The following SLC25A33 variants were observed in gnomAD, a reference collection of about 807,000 sequenced individuals.
SLC25A33 encodes the protein solute carrier family 25 member 33.
Under a neutral mutation model 35.5 loss-of-function variants are expected in SLC25A33, and 15 were observed. The observed-to-expected ratio is 0.42, with a 90% CI of 0.28 to 0.65. SLC25A33 has a LOEUF of 0.65. Among genes scored for constraint, SLC25A33 ranks in the 30% least tolerant of loss-of-function variants. SLC25A33 has a pLI of 0.20. For missense variants in SLC25A33, 257 were observed against 398.5 expected, an observed-to-expected ratio of 0.64 and a Z score of 3.02; for synonymous variants, 136 against 148.7, an observed-to-expected ratio of 0.91 and a Z score of 0.62.
At chr1:9,556,852 A>G (rs1299639793) in intron 2 of SLC25A33, among the ~76,000 whole-genome samples, 5 of 152,212 alleles carry the variant, frequency 3.3e-5, no homozygotes, top group Non-Finnish European at 7.3e-5. Flanking sequence ...TATTTTCATT[A>G]CAGTCCCACC....
At chr1:9,561,236 C>T (rs780960940) in intron 2 of SLC25A33, among the ~76,000 whole-genome samples, 15 of 152,228 alleles carry the variant, frequency 9.9e-5, no homozygotes, top group East Asian at 1.9e-4. Context: ...AGCCACCGCG[C>T]GCAGCCCTCT....
chr1:9,570,557 CTCTT>C (rs1363553084), intron 4 of SLC25A33, among the ~76,000 whole-genome samples, 199 bp downstream of exon 4: 7 of 152,086 alleles, frequency 4.6e-5, no homozygotes, highest in Admixed American at 4.6e-4. Context: ...ACCACTAAAG[CTCTT>C]TATTTGCCCT....
chr1:9,556,219 G>C (rs1643340291), intron 2 of SLC25A33: 2 of 985,206 alleles, frequency 2.0e-6, no homozygotes, highest in African/African-American at 1.7e-5. Context: ...TTCTTCTAAG[G>C]AACATGCAGT....
At chr1:9,553,246 A>C (rs1181499283) in intron 1 of SLC25A33, among the ~76,000 whole-genome samples, 1 of 30,044 alleles carries the variant, frequency 3.3e-5, no homozygotes, top group African/African-American at 1.1e-4. Context: ...TTTTTGTTTG[A>C]GACGGAGTCT....
intron 6 of SLC25A33, among the ~76,000 whole-genome samples, chr1:9,580,521 A>C (rs1643727255): frequency 6.6e-6 from 1 of 152,206 alleles, no homozygotes; most frequent in Non-Finnish European, 1.5e-5. Flanking sequence ...TCTGGATTGT[A>C]TTTAATATTC....
rs1453878304 is a variant in SLC25A33, at chr1:9,550,023, T to A, written c.57-3603T>A. On this transcript the variant is annotated intron_variant, in intron 1 of 6. Coordinates refer to ENST00000302692, the MANE Select transcript of SLC25A33 (RefSeq NM_032315.3). ...TATATATATATATATTTTTTTTTTT[T>A]TTTTTTTTTTTTTTTGAGACGGGGT... Among the ~76,000 whole-genome samples, 987 of 105,438 alleles carry A rather than the reference T, an allele frequency of 9.4e-3. 33 individuals are homozygous for A. Among genetic ancestry groups the A allele is most frequent in the African/African-American group, 0.037 (850 of 22,782 alleles). 69.2% of individuals were successfully genotyped at this position (105,438 alleles called of 152,430 possible). A position where few individuals can be genotyped will look rare whatever the true frequency, so the allele number is the denominator to read the frequency against.
At chr1:9,557,445 G>A (rs1162898242) in intron 2 of SLC25A33, among the ~76,000 whole-genome samples, 3 of 152,068 alleles carry the variant, frequency 2.0e-5, no homozygotes, top group Non-Finnish European at 2.9e-5. Context: ...TGTATTCCTA[G>A]CACTTTGAAG....
intron 2 of SLC25A33, among the ~76,000 whole-genome samples, chr1:9,563,968 A>G (rs1020548285): frequency 6.6e-6 from 1 of 152,128 alleles, no homozygotes; most frequent in African/African-American, 2.4e-5. Flanking sequence ...CATTCTATTA[A>G]CTTTTGACTA....
At chr1:9,573,509 T>G (rs1643618729) in intron 5 of SLC25A33, 97 bp downstream of exon 5, 3 of 969,972 alleles carry the variant, frequency 3.1e-6, no homozygotes, top group African/African-American at 1.6e-5. Context: ...GATATAGAGA[T>G]GTACCCCCCT....
At chr1:9,550,300 C>T (rs1419555661) in intron 1 of SLC25A33, among the ~76,000 whole-genome samples, 1 of 150,638 alleles carries the variant, frequency 6.6e-6, no homozygotes, top group Non-Finnish European at 1.5e-5. Flanking sequence ...GTTACTAGGG[C>T]ATTTGCTTTT....
At chr1:9,554,196 T>C (rs1313560776) in intron 2 of SLC25A33, among the ~76,000 whole-genome samples, 1 of 152,246 alleles carries the variant, frequency 6.6e-6, no homozygotes, top group African/African-American at 2.4e-5. Flanking sequence ...ATTTACTTTT[T>C]TTGAGACAGA....
intron 1 of SLC25A33, among the ~76,000 whole-genome samples, chr1:9,540,549 A>C (rs896571416): frequency 6.6e-6 from 1 of 151,998 alleles, no homozygotes; most frequent in Admixed American, 6.6e-5. Context: ...CGAGAATAGA[A>C]GGTAAAATAT....
At chr1:9,573,564 G>A in intron 5 of SLC25A33, 152 bp downstream of exon 5, 1 of 663,774 alleles carries the variant, frequency 1.5e-6, no homozygotes. Flanking sequence ...CTTTTGTGTT[G>A]AGGTTTGTGC....
At chr1:9,554,181 T>C (rs1266109214) in intron 2 of SLC25A33, among the ~76,000 whole-genome samples, 2 of 152,148 alleles carry the variant, frequency 1.3e-5, no homozygotes, top group Non-Finnish European at 2.9e-5. Flanking sequence ...TATTTTATTT[T>C]ATTTATTTAC....
rs1643778693 is a variant in SLC25A33 at position 9,584,139 on chromosome 1, T to C, written c.*1638T>C. ...CACTGGAATTTGAGTATATTGTACA[T>C]GAAGGTTGGTTTTCAATTTGAACGT... On this transcript the variant is annotated 3_prime_UTR_variant, in exon 7 of 7. Coordinates refer to ENST00000302692, the MANE Select transcript of SLC25A33 (RefSeq NM_032315.3). The C allele has an allele frequency of 6.6e-6, 1 of 152,158 alleles. No homozygotes were observed. Among genetic ancestry groups the C allele is most frequent in the Non-Finnish European group, 1.5e-5 (1 of 68,032 alleles). The allele number at this position is 152,158 out of a possible 1,614,324, so 9.4% of individuals were successfully genotyped here. A position where few individuals can be genotyped will look rare whatever the true frequency, so the allele number is the denominator to read the frequency against.
At chr1:9,555,652 A>G (rs1450377484) in intron 2 of SLC25A33, among the ~76,000 whole-genome samples, 4 of 152,058 alleles carry the variant, frequency 2.6e-5, no homozygotes, top group Non-Finnish European at 5.9e-5. Context: ...ATTGGTGTCC[A>G]AGACTCCAGG....
chr1:9,549,469 G>A (rs1403564688), intron 1 of SLC25A33, among the ~76,000 whole-genome samples: 1 of 122,382 alleles, frequency 8.2e-6, no homozygotes, highest in African/African-American at 3.1e-5. Context: ...CTGCTGATGG[G>A]ATCAATGGCG....
At chr1:9,561,216 T>C (rs1223237818) in intron 2 of SLC25A33, among the ~76,000 whole-genome samples, 1 of 152,204 alleles carries the variant, frequency 6.6e-6, no homozygotes, top group Admixed American at 6.6e-5. Context: ...GTGCTGGGAT[T>C]ACAGGCGTGA....
intron 1 of SLC25A33, among the ~76,000 whole-genome samples, chr1:9,550,046 G>C (rs1288505892): frequency 3.9e-5 from 3 of 77,694 alleles, no homozygotes; most frequent in Non-Finnish European, 7.2e-5. Flanking sequence ...TTTGAGACGG[G>C]GTCTCACCCA....
Sources: gnomAD v4.1 joint callset for allele counts (sites outside exome capture counted in the v4.1 genomes callset) on GRCh38, gnomAD v4.1.1 for gene constraint, MANE v1.5 for transcripts, NCBI Gene and HGNC (gene_info 2026-07-23, HGNC 2026-07-21) for gene names.